The following ARHGAP10 variants were observed in gnomAD, a reference collection of about 807,000 sequenced individuals.
The protein encoded by ARHGAP10 is Rho GTPase activating protein 10.
ARHGAP10 carries 87 observed loss-of-function variants against 108.6 expected under a neutral mutation model. The ratio of observed to expected loss-of-function variants is 0.80; its 90% CI spans 0.67 to 0.96. The LOEUF (loss-of-function observed/expected upper bound fraction) is 0.96. ARHGAP10 is among the 40% of genes least tolerant of loss of function. The pLI is 0.00. For missense variants in ARHGAP10, 939 were observed against 954.5 expected, an observed-to-expected ratio of 0.98 and a Z score of 0.21; for synonymous variants, 347 against 341.1, an observed-to-expected ratio of 1.02 and a Z score of -0.19.
chr4:147,940,917 A>G (rs1405226484), intron 14 of ARHGAP10, among the ~76,000 whole-genome samples: 1 of 152,228 alleles, frequency 6.6e-6, no homozygotes, highest in East Asian at 1.9e-4. Flanking sequence ...CCTTATTAGA[A>G]TACATTCACT....
At chr4:147,871,323 G>A (rs952701720) in intron 7 of ARHGAP10, among the ~76,000 whole-genome samples, 3 of 152,122 alleles carry the variant, frequency 2.0e-5, no homozygotes, top group Admixed American at 6.5e-5. Flanking sequence ...TACTTGAGGG[G>A]TGGGCTTGTG....
chr4:147,924,338 T>G (rs1333020574), intron 13 of ARHGAP10, among the ~76,000 whole-genome samples: 2 of 152,182 alleles, frequency 1.3e-5, no homozygotes, highest in Non-Finnish European at 2.9e-5. Context: ...CAGTGACTGT[T>G]TTTTTTCAGC....
intron 19 of ARHGAP10, among the ~76,000 whole-genome samples, chr4:148,037,847 A>AAAG (rs1473623161): frequency 1.3e-5 from 2 of 151,720 alleles, no homozygotes; most frequent in East Asian, 1.9e-4. Flanking sequence ...AAAAAAAAAA[A>AAAG]AGAAAAGAAT....
intron 20 of ARHGAP10, among the ~76,000 whole-genome samples, chr4:148,059,748 A>G (rs905249299): frequency 1.3e-5 from 2 of 152,146 alleles, no homozygotes; most frequent in African/African-American, 4.8e-5. Context: ...AAATTAGCCT[A>G]CCATCGTTTC....
intron 13 of ARHGAP10, among the ~76,000 whole-genome samples, chr4:147,914,657 T>A (rs1736891167): frequency 1.3e-5 from 2 of 151,636 alleles, no homozygotes; most frequent in Non-Finnish European, 2.9e-5. Context: ...GTGTAATGCT[T>A]TTGAGATTCA....
chr4:147,833,005 G>C lies in ARHGAP10; in HGVS notation c.312+10048G>C, dbSNP rs1010056038. On this transcript the variant is annotated intron_variant, in intron 3 of 22. Transcript: ENST00000336498. ...GTTTGAAAACCTTCCGTTGAGACCTGGTTAGGTCAAGGAAGTGCTGGTATC... is the reference window on the plus strand; with the variant it reads ...GTTTGAAAACCTTCCGTTGAGACCTCGTTAGGTCAAGGAAGTGCTGGTATC... Among the ~76,000 whole-genome samples, 3 of 152,170 alleles carry C rather than the reference G, an allele frequency of 2.0e-5. No homozygotes were observed. The East Asian group carries it at 5.8e-4, about 29-fold the overall frequency.
At chr4:147,818,399 C>G (rs891388149) in intron 1 of ARHGAP10, among the ~76,000 whole-genome samples, 1 of 151,776 alleles carries the variant, frequency 6.6e-6, no homozygotes, top group South Asian at 2.1e-4. Context: ...AACCCCATCT[C>G]TACTAAAAAT....
intron 5 of ARHGAP10, chr4:147,861,087 A>G (rs1330809033): frequency 6.6e-6 from 1 of 152,178 alleles, no homozygotes; most frequent in African/African-American, 2.4e-5. Context: ...GGCAGGCTGC[A>G]CTCGGCTTGT....
intron 18 of ARHGAP10, among the ~76,000 whole-genome samples, chr4:148,022,267 C>T (rs988760956): frequency 6.6e-6 from 1 of 152,160 alleles, no homozygotes; most frequent in South Asian, 2.1e-4. Flanking sequence ...CATCAACCCG[C>T]CCTCTAGGAT....
At chr4:147,970,985 C>T (rs567652335) in intron 18 of ARHGAP10, among the ~76,000 whole-genome samples, 1 of 150,378 alleles carries the variant, frequency 6.6e-6, no homozygotes, top group South Asian at 2.1e-4. Flanking sequence ...CCCAGCTATT[C>T]AGGAGGCTGA....
intron 1 of ARHGAP10, among the ~76,000 whole-genome samples, chr4:147,768,499 AT>A (rs1247510445): frequency 6.6e-6 from 1 of 151,934 alleles, no homozygotes; most frequent in Non-Finnish European, 1.5e-5. Context: ...GGTCTCCCTA[AT>A]TAAAAAAAAA....
intron 18 of ARHGAP10, among the ~76,000 whole-genome samples, chr4:148,006,994 A>G (rs1202835326): frequency 6.6e-6 from 1 of 152,182 alleles, no homozygotes; most frequent in Non-Finnish European, 1.5e-5. Context: ...TTCTTGATTT[A>G]CATATTTTTG....
At chr4:147,886,736 A>G (rs1452098703) in intron 10 of ARHGAP10, among the ~76,000 whole-genome samples, 1 of 152,110 alleles carries the variant, frequency 6.6e-6, no homozygotes, top group Non-Finnish European at 1.5e-5. Context: ...ATAGGCGGCC[A>G]TTCATGGTAG....
chr4:147,791,505 C>T (rs956218048), intron 1 of ARHGAP10, among the ~76,000 whole-genome samples: 2 of 152,204 alleles, frequency 1.3e-5, no homozygotes, highest in Non-Finnish European at 1.5e-5. Flanking sequence ...TATAGCATTC[C>T]ATTGAATGGT....
intron 10 of ARHGAP10, among the ~76,000 whole-genome samples, chr4:147,893,405 A>G (rs1735865345): frequency 1.3e-5 from 2 of 149,324 alleles, no homozygotes; most frequent in African/African-American, 4.9e-5. Flanking sequence ...AAGTGGAATT[A>G]TACCTTTTTA....
intron 10 of ARHGAP10, among the ~76,000 whole-genome samples, chr4:147,894,494 G>A (rs1320566103): frequency 1.3e-5 from 2 of 152,138 alleles, no homozygotes; most frequent in East Asian, 3.8e-4. Context: ...TCTCTGATCT[G>A]TGGCTTGCCT....
In ARHGAP10 at chr4:147,966,647, T is replaced by C. The variant is rs1739212749; in HGVS notation, c.1557-33T>C. ...CAGTCCACAATTTTTGCTCCTTTGG[T>C]TAAACAGATTCCTCCCCCCTTACCA... On this transcript the variant is annotated intron_variant, in intron 17 of 22. Transcript: ENST00000336498. 5 of 1,520,688 alleles carry C rather than the reference T, an allele frequency of 3.3e-6. No homozygotes were observed. In the African/African-American group the frequency reaches 6.9e-5, roughly 21 times the overall value. 94.2% of individuals were successfully genotyped at this position (1,520,688 alleles called of 1,614,324 possible).
At chr4:147,897,746 T>A (rs1225582418) in intron 10 of ARHGAP10, among the ~76,000 whole-genome samples, 1 of 152,262 alleles carries the variant, frequency 6.6e-6, no homozygotes, top group Non-Finnish European at 1.5e-5. Context: ...GAAGTAATTA[T>A]ACATGACTAC....
chr4:147,880,002 C>T (rs1735263011), intron 9 of ARHGAP10, among the ~76,000 whole-genome samples: 1 of 152,188 alleles, frequency 6.6e-6, no homozygotes, highest in Admixed American at 6.5e-5. Flanking sequence ...ACAAAGTTCT[C>T]ACATAGGTAT....
Sources: gnomAD v4.1 joint callset for allele counts (sites outside exome capture counted in the v4.1 genomes callset) on GRCh38, gnomAD v4.1.1 for gene constraint, MANE v1.5 for transcripts, NCBI Gene and HGNC (gene_info 2026-07-23, HGNC 2026-07-21) for gene names.